Variants in FBXL7 observed in about 807,000 individuals in gnomAD.
FBXL7 encodes the protein F-box and leucine rich repeat protein 7.
In FBXL7, 12 loss-of-function variants were observed where a neutral mutation model predicts 38.3. The ratio of observed to expected loss-of-function variants is 0.31; its 90% CI spans 0.20 to 0.51. FBXL7 has a LOEUF of 0.51. Ranked by LOEUF, FBXL7 falls within the 20% of genes least tolerant of loss-of-function variation. The pLI is 0.98. For synonymous variants in FBXL7, 297 were observed against 300.9 expected (o/e 0.99, Z 0.13); for missense variants, 567 against 676.4 (o/e 0.84, Z 1.79).
At chr5:15,542,264 A>G (rs1737774887) in intron 1 of FBXL7, among the ~76,000 whole-genome samples, 1 of 152,192 alleles carries the variant, frequency 6.6e-6, no homozygotes, top group Non-Finnish European at 1.5e-5. Context: ...TTATTTCCAA[A>G]TAACTTTCTT....
chr5:15,868,540 C>T (rs1227699257), intron 2 of FBXL7, among the ~76,000 whole-genome samples: 2 of 152,196 alleles, frequency 1.3e-5, no homozygotes, highest in Non-Finnish European at 2.9e-5. Flanking sequence ...GGAACTAAAT[C>T]TGAGTGGCCA....
chr5:15,719,634 A>C (rs1744139067), intron 2 of FBXL7, among the ~76,000 whole-genome samples: 1 of 148,950 alleles, frequency 6.7e-6, no homozygotes, highest in Non-Finnish European at 1.5e-5. Context: ...AATTCCTGTG[A>C]GGGTGGCAAT....
intron 1 of FBXL7, among the ~76,000 whole-genome samples, chr5:15,552,596 TC>T (rs1738110410): frequency 6.6e-6 from 1 of 152,198 alleles, no homozygotes; most frequent in Admixed American, 6.5e-5. Flanking sequence ...CATATTTTTC[TC>T]CTCTGTATCT....
At chr5:15,782,717 C>T (rs376809109) in intron 2 of FBXL7, among the ~76,000 whole-genome samples, 3 of 151,968 alleles carry the variant, frequency 2.0e-5, no homozygotes, top group African/African-American at 7.3e-5. Flanking sequence ...AAGGAGCAAC[C>T]TTTTTGAGAC....
intron 2 of FBXL7, among the ~76,000 whole-genome samples, chr5:15,779,225 A>G (rs1736932731): frequency 6.6e-6 from 1 of 151,978 alleles, no homozygotes; most frequent in South Asian, 2.1e-4. Flanking sequence ...AAGGTAAGTT[A>G]GTTAAGGAGC....
chr5:15,784,884 G>A (rs1480614902), intron 2 of FBXL7, among the ~76,000 whole-genome samples: 2 of 152,064 alleles, frequency 1.3e-5, no homozygotes, highest in African/African-American at 2.4e-5. Flanking sequence ...GCACACACAC[G>A]CACAAACACA....
At position 15,583,242 on chromosome 5, in the gene FBXL7, G is replaced by A. The variant is rs376979105; in HGVS notation, c.38-32741G>A. On this transcript the variant is annotated intron_variant, in intron 1 of 3. Coordinates refer to ENST00000504595, the MANE Select transcript of FBXL7 (RefSeq NM_012304.5). ...CACATGATCCAGTCACCTCCCAGCA[G>A]GTCTCTCCCTCGACACCTGGGGATT... 4.6e-5 allele frequency among the ~76,000 whole-genome samples: 7 copies of A among 152,188 alleles called. No homozygotes were observed. The South Asian group carries it at 1.2e-3, about 27-fold the overall frequency.
chr5:15,802,092 G>T (rs538213418), intron 2 of FBXL7, among the ~76,000 whole-genome samples: 2 of 151,950 alleles, frequency 1.3e-5, no homozygotes, highest in African/African-American at 4.8e-5. Flanking sequence ...CTCCCATCCC[G>T]TTCATCAACA....
intron 1 of FBXL7, among the ~76,000 whole-genome samples, chr5:15,543,950 C>T (rs569184406): frequency 1.3e-5 from 2 of 152,162 alleles, no homozygotes; most frequent in South Asian, 2.1e-4. Context: ...GGGACTGGGG[C>T]ACCATACCAA....
At chr5:15,777,081 C>T (rs1474412602) in intron 2 of FBXL7, among the ~76,000 whole-genome samples, 1 of 152,058 alleles carries the variant, frequency 6.6e-6, no homozygotes, top group African/African-American at 2.4e-5. Context: ...ATATATTTCA[C>T]ATTCATTATT....
chr5:15,848,642 A>G (rs902626428), intron 2 of FBXL7, among the ~76,000 whole-genome samples: 4 of 152,288 alleles, frequency 2.6e-5, no homozygotes, highest in Middle Eastern at 3.4e-3. Context: ...AGTCTCCCAA[A>G]GAGCTGGGAT....
At chr5:15,870,587 A>C (rs1180856039) in intron 2 of FBXL7, among the ~76,000 whole-genome samples, 1 of 152,200 alleles carries the variant, frequency 6.6e-6, no homozygotes, top group South Asian at 2.1e-4. Flanking sequence ...AAACATGTTC[A>C]TGCTGGTTTT....
intron 1 of FBXL7, among the ~76,000 whole-genome samples, chr5:15,594,156 C>G (rs143528152): frequency 2.6e-4 from 40 of 152,246 alleles, no homozygotes; most frequent in African/African-American, 9.1e-4. Context: ...GTTTTTAAGG[C>G]ATTTGCCTCC....
chr5:15,824,441 A>G lies in FBXL7; in HGVS notation c.128-103449A>G, dbSNP rs1028679778. On this transcript the variant is annotated intron_variant, in intron 2 of 3. Coordinates refer to ENST00000504595, the MANE Select transcript of FBXL7 (RefSeq NM_012304.5). ...CTTCCCGGCCCAGTCTGTGATGCCA[A>G]CGTTTTTGTTTGTTTGCTTTGCTTG... Among the ~76,000 whole-genome samples, 9 of 152,124 alleles carry G rather than the reference A, an allele frequency of 5.9e-5. No homozygotes were observed. The South Asian group carries it at 6.3e-4, about 11-fold the overall frequency.
At chr5:15,861,663 A>AAC (rs1299193226) in intron 2 of FBXL7, among the ~76,000 whole-genome samples, 5 of 152,222 alleles carry the variant, frequency 3.3e-5, no homozygotes, top group Non-Finnish European at 7.3e-5. Context: ...CAGGGATATG[A>AAC]ACAGAAGAGA....
intron 2 of FBXL7, among the ~76,000 whole-genome samples, chr5:15,636,712 ATTAT>A (rs1741199251): frequency 7.0e-6 from 1 of 143,134 alleles, no homozygotes. Context: ...GTGGTCGCTG[ATTAT>A]TTATGTTGGC....
At chr5:15,589,401 CTCCTCCTCTCTCT>C (rs1353194890) in intron 1 of FBXL7, among the ~76,000 whole-genome samples, 1 of 152,014 alleles carries the variant, frequency 6.6e-6, no homozygotes, top group Non-Finnish European at 1.5e-5. Flanking sequence ...GTAGTGCCTC[CTCCTCCTCTCTCT>C]TCCTCCTTCT....
At chr5:15,805,548 T>C (rs1737686216) in intron 2 of FBXL7, among the ~76,000 whole-genome samples, 1 of 152,138 alleles carries the variant, frequency 6.6e-6, no homozygotes, top group African/African-American at 2.4e-5. Context: ...TGGATGCATA[T>C]AATGATATCT....
chr5:15,743,824 C>T (rs768539161), intron 2 of FBXL7, among the ~76,000 whole-genome samples: 2 of 152,246 alleles, frequency 1.3e-5, no homozygotes, highest in Non-Finnish European at 2.9e-5. Context: ...CAGAAGTTCC[C>T]AGACTTCAGT....
Sources: gnomAD v4.1 joint callset for allele counts (sites outside exome capture counted in the v4.1 genomes callset) on GRCh38, gnomAD v4.1.1 for gene constraint, MANE v1.5 for transcripts, NCBI Gene and HGNC (gene_info 2026-07-23, HGNC 2026-07-21) for gene names.